Variants in SPAG17 observed in about 807,000 individuals in gnomAD.
The protein encoded by SPAG17 is sperm-associated antigen 17.
A neutral mutation model predicts 273.6 loss-of-function variants in SPAG17; 169 were observed. The observed-to-expected ratio is 0.62, with a 90% CI of 0.55 to 0.70. The LOEUF is 0.70. Among genes scored for constraint, SPAG17 ranks in the 30% least tolerant of loss-of-function variants. The pLI is 0.00. For missense variants in SPAG17, 2,557 were observed against 2,627.8 expected (o/e 0.97, Z 0.59); for synonymous variants, 825 against 873.2 (o/e 0.94, Z 0.97).
chr1:117,999,765 C>T (rs1425563616), intron 32 of SPAG17, among the ~76,000 whole-genome samples: 1 of 152,078 alleles, frequency 6.6e-6, no homozygotes, highest in African/African-American at 2.4e-5. Context: ...TTCTCCCATT[C>T]TGTAGGTTGC....
At chr1:118,130,388 G>A (rs984590800) in intron 3 of SPAG17, among the ~76,000 whole-genome samples, 1 of 152,132 alleles carries the variant, frequency 6.6e-6, no homozygotes, top group Admixed American at 6.5e-5. Context: ...GCTTTCTAGG[G>A]ATTCCTAAGT....
At chr1:118,127,483 C>A in intron 3 of SPAG17, among the ~76,000 whole-genome samples, 1 of 152,164 alleles carries the variant, frequency 6.6e-6, no homozygotes, top group South Asian at 2.1e-4. Flanking sequence ...AGAGCAAGAG[C>A]TCACTTATCT....
chr1:118,062,133 C>T (rs1430947400), intron 18 of SPAG17, among the ~76,000 whole-genome samples: 2 of 151,734 alleles, frequency 1.3e-5, no homozygotes, highest in African/African-American at 4.8e-5. Context: ...TTTGGGAGGC[C>T]GAGGCGGGCG....
chr1:118,145,393 C>G (rs1658919137), intron 3 of SPAG17, among the ~76,000 whole-genome samples: 1 of 152,008 alleles, frequency 6.6e-6, no homozygotes, highest in Non-Finnish European at 1.5e-5. Context: ...TGGAAAAGAC[C>G]TGAGAAAAAT....
At chr1:117,967,043 TG>T (rs1442286340) in intron 46 of SPAG17, among the ~76,000 whole-genome samples, 3 of 152,238 alleles carry the variant, frequency 2.0e-5, no homozygotes, top group Admixed American at 6.5e-5. Flanking sequence ...GAAGTGGAAC[TG>T]AAGGCAAAAT....
chr1:118,028,299 C>T lies in SPAG17; in HGVS notation c.3705G>A (p.Leu1235=). Residue 1235 remains leucine, a synonymous_variant, in exon 26 of 49, where the codon TTG becomes TTA. Coordinates refer to ENST00000336338, the MANE Select transcript of SPAG17 (RefSeq NM_206996.4). ...LNVSCPSGLL[L]TFIGQESTGQ... is the part of the protein sequence containing the mutation. ...CTGTAGATTCTTGTCCAATGAAAGTCAACAGGAGCCCACTGGGGCAAGACA... is the reference window on the plus strand; with the variant it reads ...CTGTAGATTCTTGTCCAATGAAAGTTAACAGGAGCCCACTGGGGCAAGACA... The T allele has an allele frequency of 6.2e-7, 1 of 1,613,664 alleles. No homozygotes were observed. The highest frequency in any genetic ancestry group is 1.7e-5 in the Admixed American group (1 of 59,996).
chr1:118,117,682 GT>G (rs1462840897), intron 3 of SPAG17, among the ~76,000 whole-genome samples: 2 of 152,282 alleles, frequency 1.3e-5, no homozygotes, highest in Admixed American at 6.5e-5. Context: ...GCCCTGGGTG[GT>G]GTCCTCCTCC....
intron 22 of SPAG17, 66 bp from the exon 23 acceptor site, chr1:118,039,510 TG>T (rs1239642769): frequency 1.3e-6 from 2 of 1,506,784 alleles, no homozygotes; most frequent in African/African-American, 2.8e-5. Context: ...CTCGACAAGA[TG>T]GTTACACAAT....
intron 42 of SPAG17, 144 bp downstream of exon 42, chr1:117,983,667 T>C (rs1167022106): frequency 2.3e-6 from 1 of 434,716 alleles, no homozygotes; most frequent in African/African-American, 2.0e-5. Flanking sequence ...ATTTGTTTTC[T>C]CATATAACTC....
At chr1:117,958,846 T>C in intron 48 of SPAG17, 1 of 1,250,130 alleles carries the variant, frequency 8.0e-7, no homozygotes, top group Non-Finnish European at 1.1e-6. Context: ...GTTTACTGTT[T>C]CTAGAAGGGT....
At chr1:118,084,499 ATCACAAAAT>A (rs1476669088) in intron 13 of SPAG17, among the ~76,000 whole-genome samples, 1 of 152,196 alleles carries the variant, frequency 6.6e-6, no homozygotes, top group African/African-American at 2.4e-5. Flanking sequence ...GACTGCCTAT[ATCACAAAAT>A]CCCAGTGAAC....
chr1:118,019,912 G>A (rs1489749524), intron 28 of SPAG17, among the ~76,000 whole-genome samples: 1 of 152,110 alleles, frequency 6.6e-6, no homozygotes, highest in Non-Finnish European at 1.5e-5. Flanking sequence ...GAAATTATTT[G>A]ATATGCAATA....
At chr1:117,975,892 T>A (rs1655079316) in intron 43 of SPAG17, among the ~76,000 whole-genome samples, 1 of 152,234 alleles carries the variant, frequency 6.6e-6, no homozygotes. Context: ...TTGTTGCTCA[T>A]ACTATTATTA....
In SPAG17 at chr1:118,099,759, C is replaced by T. The variant is rs762974662; in HGVS notation, c.676G>A (p.Val226Met). The T allele has an allele frequency of 6.2e-7, 1 of 1,613,204 alleles. No homozygotes were observed. The highest frequency in any genetic ancestry group is 8.5e-7 in the Non-Finnish European group (1 of 1,179,918). The change falls in exon 6 of 49, where the codon GTG becomes ATG. Residue 226 changes from valine to methionine, a missense_variant. Coordinates refer to ENST00000336338, the MANE Select transcript of SPAG17 (RefSeq NM_206996.4). Reference sequence around the variant, plus strand: ...AATAGCTGAGGATTGTTAAAGCCCACAACTATAATGTAATGTTGGGCACCA... The same window carrying T: ...AATAGCTGAGGATTGTTAAAGCCCATAACTATAATGTAATGTTGGGCACCA... ...DDGAQHYIIVVGFNNPQLLAI... is the reference protein window; with the variant it reads ...DDGAQHYIIVMGFNNPQLLAI...
Position 118,074,592 on chromosome 1 carries a change from T to C in SPAG17, c.2218A>G (p.Thr740Ala), listed in dbSNP as rs576601257. The change falls in exon 16 of 49, where the codon ACA (threonine) becomes GCA (alanine). Residue 740 changes from threonine (T) to alanine (A), a missense_variant. Transcript: ENST00000336338. ...QPQHESLEQTTNNEIKDDAVT... is the reference protein window; with the variant it reads ...QPQHESLEQTANNEIKDDAVT... ...GCATCATCTTTGATCTCATTGTTTG[T>C]GGTCTGCTCTGCAAATCAAAGACAC... 23 of 1,613,652 alleles carry C rather than the reference T, an allele frequency of 1.4e-5. No individual in the cohort carries two copies. In the African/African-American group the frequency reaches 1.9e-4, roughly 13 times the overall value.
At chr1:118,054,190 A>C (rs1367137330) in intron 19 of SPAG17, 97 bp from the exon 20 acceptor site, 1 of 703,866 alleles carries the variant, frequency 1.4e-6, no homozygotes, top group African/African-American at 1.8e-5. Context: ...AAGGCTTTCA[A>C]GTTCAACTTC....
At chr1:118,008,232 G>A in intron 30 of SPAG17, 34 bp from the exon 31 acceptor site, 2 of 1,608,212 alleles carry the variant, frequency 1.2e-6, no homozygotes, top group Non-Finnish European at 1.7e-6. Context: ...AGATCTGATA[G>A]GATGTAGACA....
chr1:118,023,431 A>G lies in SPAG17; in HGVS notation c.3942T>C (p.Ser1314=), dbSNP rs1174364670. ...ILFADGAVSR[S]PNSGLICPPS... ...GAGGACAAATAAGACCTGAATTGGG[A>G]CTCCTGCTCACAGCACCATCTGCAA... is the stretch of plus-strand genomic sequence containing the variant. Residue 1314 remains serine, a synonymous_variant, in exon 28 of 49, where the codon AGT becomes AGC. Coordinates refer to ENST00000336338, the MANE Select transcript of SPAG17 (RefSeq NM_206996.4). 6.2e-7 allele frequency: 1 copy of G among 1,609,992 alleles called. No homozygotes were observed. The highest frequency in any genetic ancestry group is 8.5e-7 in the Non-Finnish European group (1 of 1,177,434).
At chr1:118,150,914 G>A (rs959657082) in intron 2 of SPAG17, among the ~76,000 whole-genome samples, 2 of 152,030 alleles carry the variant, frequency 1.3e-5, no homozygotes, top group Non-Finnish European at 1.5e-5. Context: ...TACCTCCCTG[G>A]AATCTTAAAT....
Sources: allele counts gnomAD v4.1 joint callset (sites outside exome capture counted in the v4.1 genomes callset), GRCh38; gene constraint gnomAD v4.1.1; transcripts MANE v1.5; gene names NCBI Gene and HGNC (gene_info 2026-07-23, HGNC 2026-07-21).